ATP6V1E1: variants seen among roughly 807,000 people sequenced by gnomAD.
The protein encoded by ATP6V1E1 is ATPase H+ transporting V1 subunit E1.
ATP6V1E1 carries 21 observed loss-of-function variants against 35.2 expected under a neutral mutation model. That is an observed-to-expected ratio of 0.60 (90% CI 0.42 to 0.86). The LOEUF (loss-of-function observed/expected upper bound fraction) is 0.86. ATP6V1E1 is among the 40% of genes least tolerant of loss of function. The pLI is 0.00. For missense variants in ATP6V1E1, 183 were observed against 272.6 expected (o/e 0.67, Z 2.32); for synonymous variants, 83 against 87.8 (o/e 0.95, Z 0.30).
intron 6 of ATP6V1E1, among the ~76,000 whole-genome samples, chr22:17,599,278 TAAA>T (rs796957937): frequency 1.4e-5 from 2 of 143,586 alleles, no homozygotes; most frequent in Non-Finnish European, 1.5e-5. Flanking sequence ...TTACCACCAT[TAAA>T]AAAAAAAAAG....
chr22:17,605,201 A>T (rs1274820690), intron 4 of ATP6V1E1, among the ~76,000 whole-genome samples: 1 of 111,914 alleles, frequency 8.9e-6, no homozygotes, highest in African/African-American at 4.3e-5. Flanking sequence ...GTGAGACTTC[A>T]TCTCAAAAAA....
intron 1 of ATP6V1E1, among the ~76,000 whole-genome samples, chr22:17,626,941 C>G (rs1220628716): frequency 6.6e-6 from 1 of 151,440 alleles, no homozygotes; most frequent in African/African-American, 2.4e-5. Flanking sequence ...TCCCAAAGTG[C>G]TGGGGGCTAC....
At chr22:17,613,479 G>A (rs1255110137) in intron 2 of ATP6V1E1, among the ~76,000 whole-genome samples, 159 bp from the exon 3 acceptor site, 1 of 152,048 alleles carries the variant, frequency 6.6e-6, no homozygotes, top group Non-Finnish European at 1.5e-5. Flanking sequence ...TTATTCAAAA[G>A]GAAAGATCAG....
intron 2 of ATP6V1E1, chr22:17,619,140 A>G: frequency 2.2e-6 from 1 of 447,190 alleles, no homozygotes; most frequent in Non-Finnish European, 4.4e-6. Context: ...AAAAATACAA[A>G]TATTAGCTGG....
intron 2 of ATP6V1E1, among the ~76,000 whole-genome samples, chr22:17,617,898 A>G (rs1325540650): frequency 3.9e-5 from 6 of 152,016 alleles, no homozygotes; most frequent in African/African-American, 1.2e-4. Context: ...CAACCTCTGC[A>G]TTCTGGGATC....
chr22:17,616,627 T>C (rs2401161), intron 2 of ATP6V1E1, among the ~76,000 whole-genome samples: 51,605 of 136,082 alleles, frequency 0.38, 9,269 homozygotes, highest in Middle Eastern at 0.5. Context: ...TGTGGTGAGC[T>C]GAGATCGCGC....
intron 7 of ATP6V1E1, among the ~76,000 whole-genome samples, chr22:17,597,038 G>A (rs1243419879): frequency 3.3e-5 from 5 of 151,858 alleles, no homozygotes; most frequent in Non-Finnish European, 5.9e-5. Context: ...TCAGGAGATC[G>A]AGACCATCCT....
intron 2 of ATP6V1E1, among the ~76,000 whole-genome samples, chr22:17,615,722 AC>A (rs1292181313): frequency 6.6e-6 from 1 of 151,994 alleles, no homozygotes; most frequent in South Asian, 2.1e-4. Flanking sequence ...ACATGGTGAA[AC>A]CCCATCTCTA....
chr22:17,621,256 T>G (rs1179942333), intron 1 of ATP6V1E1, among the ~76,000 whole-genome samples: 1 of 152,124 alleles, frequency 6.6e-6, no homozygotes, highest in Non-Finnish European at 1.5e-5. Flanking sequence ...TATCTTATCA[T>G]GTAACACTCT....
intron 6 of ATP6V1E1, 86 bp from the exon 7 acceptor site, chr22:17,598,374 A>G: frequency 9.6e-7 from 1 of 1,038,006 alleles, no homozygotes; most frequent in South Asian, 1.4e-5. Context: ...AAGCAAGGAT[A>G]CCTCCATTTA....
Position 17,612,843 on chromosome 22 carries a change from T to C in ATP6V1E1, c.245A>G (p.Lys82Arg), listed in dbSNP as rs147042004. ...AAGGTCATCTCTTGCTCTGAGGACT[T>C]TGAGTCTCGCTTGATTCATCAAATT... ...MSNLMNQARL[K>R]VLRARDDLIT... Residue 82 changes from lysine (K) to arginine (R), a missense_variant, in exon 4 of 9, where the codon AAA (lysine) becomes AGA (arginine). By Grantham distance (26) the Lys-to-Arg change is conservative. Coordinates refer to ENST00000253413, the MANE Select transcript of ATP6V1E1 (RefSeq NM_001696.4). 886 of 1,609,740 alleles carry C rather than the reference T, an allele frequency of 5.5e-4. 13 individuals are homozygous for C. The East Asian group carries it at 0.014, about 26-fold the overall frequency.
intron 8 of ATP6V1E1, 53 bp downstream of exon 8, chr22:17,594,476 T>C (rs1434111787): frequency 2.2e-5 from 30 of 1,350,866 alleles, no homozygotes; most frequent in Non-Finnish European, 3.0e-5. Flanking sequence ...GTGTTCTCTG[T>C]CCCACTTCAA....
In ATP6V1E1 at chr22:17,613,228, A is replaced by T. The variant is rs138309443; in HGVS notation, c.192T>A (p.Ile64=). Residue 64 remains isoleucine (I), a synonymous_variant, in exon 3 of 9, where the codon ATT becomes ATA. Coordinates refer to ENST00000253413, the MANE Select transcript of ATP6V1E1 (RefSeq NM_001696.4). ...MEYYEKKEKQ[I]EQQKKIQMSN... The stretch of plus-strand genomic sequence containing the variant: ...CTACTTACATTTTCTTCTGCTGCTC[A>T]ATCTGTTTCTCTTTCTTCTCATAAT... 1.8e-4 allele frequency: 295 copies of T among 1,611,758 alleles called. 1 individual carries two copies. In the East Asian group the frequency reaches 6.2e-3, roughly 34 times the overall value.
chr22:17,613,032 T>G (rs1460306068), intron 3 of ATP6V1E1, 154 bp from the exon 4 acceptor site: 10 of 902,734 alleles, frequency 1.1e-5, no homozygotes, highest in Non-Finnish European at 1.4e-5. Flanking sequence ...CAGTTTAATC[T>G]TTGAATAATC....
intron 4 of ATP6V1E1, among the ~76,000 whole-genome samples, chr22:17,603,796 A>C (rs1034653633): frequency 6.6e-6 from 1 of 152,210 alleles, no homozygotes; most frequent in East Asian, 1.9e-4. Flanking sequence ...CCCTGTCTAT[A>C]AGACATCTGG....
chr22:17,627,032 C>T (rs5992768), intron 1 of ATP6V1E1, among the ~76,000 whole-genome samples: 11,569 of 151,876 alleles, frequency 0.076, 527 homozygotes, highest in African/African-American at 0.11. Context: ...CTCTGTCACC[C>T]AGGCTGGAGT....
At chr22:17,615,861 T>C (rs554551022) in intron 2 of ATP6V1E1, among the ~76,000 whole-genome samples, 7 of 151,944 alleles carry the variant, frequency 4.6e-5, no homozygotes, top group Admixed American at 4.6e-4. Context: ...TGAAACCCCA[T>C]CTCTACTAAA....
At position 17,597,631 on chromosome 22, in the gene ATP6V1E1, G is replaced by A. The variant is rs2057738825; in HGVS notation, c.530+563C>T. Among the ~76,000 whole-genome samples, 3 of 151,812 alleles carry A rather than the reference G, an allele frequency of 2.0e-5. 1 individual carries two copies. The highest frequency in any genetic ancestry group is 2.0e-4 in the Admixed American group (3 of 15,226). ...GAAGGAAAGCAGTGACCATAAACCA[G>A]ACTTTTTTTTTTCTGAGATGCAGTC... On this transcript the variant is annotated intron_variant, in intron 7 of 8. Transcript: ENST00000253413.
At chr22:17,610,709 T>C (rs1014250569) in intron 4 of ATP6V1E1, among the ~76,000 whole-genome samples, 9 of 152,230 alleles carry the variant, frequency 5.9e-5, no homozygotes, top group Non-Finnish European at 1.3e-4. Flanking sequence ...GTCACAGTTG[T>C]CATTTTTTAC....
Sources: allele counts gnomAD v4.1 joint callset (sites outside exome capture counted in the v4.1 genomes callset), GRCh38; gene constraint gnomAD v4.1.1; transcripts MANE v1.5; gene names NCBI Gene and HGNC (gene_info 2026-07-23, HGNC 2026-07-21).